RELN: variants seen among roughly 807,000 people sequenced by gnomAD.
RELN encodes reelin.
In RELN, 108 loss-of-function variants were observed where a neutral mutation model predicts 427.6. The ratio of observed to expected loss-of-function variants is 0.25; its 90% CI spans 0.22 to 0.30. The LOEUF (loss-of-function observed/expected upper bound fraction) is 0.30. Among genes scored for constraint, RELN ranks in the 10% least tolerant of loss-of-function variants. The pLI is 1.00. For synonymous variants in RELN, 1,524 were observed against 1,513.4 expected, an observed-to-expected ratio of 1.01 and a Z score of -0.16; for missense variants, 3,715 against 4,302.8, an observed-to-expected ratio of 0.86 and a Z score of 3.82.
Position 103,989,657 on chromosome 7 carries a change from G to A in RELN, c.-301C>T, listed in dbSNP as rs984843061. On this transcript the variant is annotated 5_prime_UTR_variant, in exon 1 of 65. Coordinates refer to ENST00000428762, the MANE Select transcript of RELN (RefSeq NM_005045.4). The surrounding 1 kb of genome is among the most constrained non-coding windows in gnomAD (Gnocchi z 4.9). ...TGCGCGACGCCCCTCGGCCAGGCCTGGGAAAGCGCCCGCCCCGCTCCACAC... is the reference window on the plus strand; with the variant it reads ...TGCGCGACGCCCCTCGGCCAGGCCTAGGAAAGCGCCCGCCCCGCTCCACAC... 21 of 290,692 alleles carry A rather than the reference G, an allele frequency of 7.2e-5. 1 individual carries two copies. The highest frequency in any genetic ancestry group is 1.3e-4 in the Non-Finnish European group (21 of 161,804). The allele number at this position is 290,692 out of a possible 1,614,324, so 18.0% of individuals were successfully genotyped here. A position where few individuals can be genotyped will look rare whatever the true frequency, so the allele number is the denominator to read the frequency against.
At chr7:103,890,192 TC>T (rs1420497067) in intron 2 of RELN, among the ~76,000 whole-genome samples, 1 of 80,666 alleles carries the variant, frequency 1.2e-5, no homozygotes, top group African/African-American at 4.6e-5. Context: ...GCATAGGCAC[TC>T]TGAACTTTTT....
intron 2 of RELN, among the ~76,000 whole-genome samples, chr7:103,834,124 T>C (rs1348872037): frequency 6.6e-6 from 1 of 152,182 alleles, no homozygotes; most frequent in East Asian, 1.9e-4. Context: ...CAGGTTTGCT[T>C]GGAAAACTCC....
intron 60 of RELN, among the ~76,000 whole-genome samples, chr7:103,487,458 T>TTAA (rs1554361592): frequency 7.8e-6 from 1 of 128,104 alleles, no homozygotes; most frequent in South Asian, 2.5e-4. Flanking sequence ...GTTGTTACAG[T>TTAA]AAAAAAAAAA....
At chr7:103,515,572 T>A in intron 49 of RELN, 131 bp from the exon 50 acceptor site, 1 of 1,227,978 alleles carries the variant, frequency 8.1e-7, no homozygotes, top group Middle Eastern at 2.7e-4. Context: ...TAAGCTAAAA[T>A]AATTTTCAAA....
At chr7:103,871,937 G>A (rs768070802) in intron 2 of RELN, among the ~76,000 whole-genome samples, 9 of 150,930 alleles carry the variant, frequency 6.0e-5, no homozygotes, top group East Asian at 3.9e-4. Context: ...TTACTATTAC[G>A]CAAAGTAAAC....
chr7:103,723,138 A>G lies in RELN; in HGVS notation c.805+2T>C, dbSNP rs1790119505. On this transcript the variant is annotated splice_donor_variant, in intron 8 of 64. Coordinates refer to ENST00000428762, the MANE Select transcript of RELN (RefSeq NM_005045.4). LOFTEE classifies it high-confidence loss of function. The stretch of plus-strand genomic sequence containing the variant: ...TCGTTATAACTGCTAAAAAACACTT[A>G]CCAATGGAAAATTGGAGGACAGAAG... 6.3e-7 allele frequency: 1 copy of G among 1,583,910 alleles called. No individual in the cohort carries two copies. The highest frequency in any genetic ancestry group is 8.7e-7 in the Non-Finnish European group (1 of 1,152,882).
chr7:103,736,534 GTAAGA>G (rs1178792609), intron 6 of RELN, among the ~76,000 whole-genome samples: 1 of 152,076 alleles, frequency 6.6e-6, no homozygotes, highest in Non-Finnish European at 1.5e-5. Flanking sequence ...ACTGAGGAAG[GTAAGA>G]TAACTCTTCT....
At position 103,561,876 on chromosome 7, in the gene RELN, A is replaced by G; in HGVS notation, c.5288T>C (p.Val1763Ala). The G allele has an allele frequency of 6.2e-7, 1 of 1,613,396 alleles. No homozygotes were observed. Among genetic ancestry groups the G allele is most frequent in the African/African-American group, 1.3e-5 (1 of 74,850 alleles). The change falls in exon 35 of 65, where the codon GTA (valine) becomes GCA (alanine). Residue 1763 changes from valine to alanine, a missense_variant. Val to Ala is a moderately conservative substitution (Grantham distance 64). Around this residue, in one of 4 missense-constraint regions of RELN, gnomAD observed 2,208 missense variants for 2,361.7 expected, o/e 0.93. Coordinates refer to ENST00000428762, the MANE Select transcript of RELN (RefSeq NM_005045.4). The part of the protein sequence containing the change: ...GADSWAIDNV[V>A]LASGCPWMCS... ...CATCCAAGGGCACCCTGAGGCCAGT[A>G]CAACATTATCAATCGCCCAGGAATC... is the stretch of plus-strand genomic sequence containing the variant.
At chr7:103,912,840 C>G (rs1161311724) in intron 2 of RELN, among the ~76,000 whole-genome samples, 1 of 152,008 alleles carries the variant, frequency 6.6e-6, no homozygotes, top group Non-Finnish European at 1.5e-5. Flanking sequence ...TCAAATAATC[C>G]TTCATTGAGC....
intron 38 of RELN, among the ~76,000 whole-genome samples, chr7:103,554,254 A>G (rs1830477400): frequency 6.6e-6 from 1 of 151,868 alleles, no homozygotes; most frequent in Admixed American, 6.6e-5. Context: ...AAAAACATAA[A>G]GTACTTGTCA....
At chr7:103,936,669 TCCC>T (rs1334754796) in intron 1 of RELN, among the ~76,000 whole-genome samples, 1 of 150,580 alleles carries the variant, frequency 6.6e-6, no homozygotes, top group Non-Finnish European at 1.5e-5. Flanking sequence ...AACTTTTCCC[TCCC>T]CCAAGAAATC....
chr7:103,813,139 T>A (rs759296208), intron 3 of RELN, among the ~76,000 whole-genome samples: 8 of 152,158 alleles, frequency 5.3e-5, no homozygotes, highest in Non-Finnish European at 1.0e-4. Flanking sequence ...TTTGTTTCCC[T>A]GGAAGGTTAC....
Position 103,738,617 on chromosome 7 carries a change from G to T in RELN, c.657-10410C>A, listed in dbSNP as rs78058058. Among the ~76,000 whole-genome samples the T allele has an allele frequency of 3.8e-3, 563 of 147,736 alleles. 4 individuals carry two copies. Among genetic ancestry groups the T allele is most frequent in the Non-Finnish European group, 5.9e-3 (400 of 67,484 alleles). Reference sequence around the variant, plus strand: ...TATCATGTTAACTTTGCCTAATCTGGATTTCATACAACTGGAATGAACTCT... The same window carrying T: ...TATCATGTTAACTTTGCCTAATCTGTATTTCATACAACTGGAATGAACTCT... On this transcript the variant is annotated intron_variant, in intron 6 of 64. Coordinates refer to ENST00000428762, the MANE Select transcript of RELN (RefSeq NM_005045.4).
At chr7:103,592,302 T>G (rs1055694665) in intron 27 of RELN, among the ~76,000 whole-genome samples, 2 of 152,194 alleles carry the variant, frequency 1.3e-5, no homozygotes, top group Admixed American at 6.5e-5. Context: ...GTTTTTCTGT[T>G]CCTTTATTAG....
chr7:103,933,276 G>C (rs1330644663), intron 1 of RELN, among the ~76,000 whole-genome samples: 1 of 152,110 alleles, frequency 6.6e-6, no homozygotes. Flanking sequence ...TTATAATTTT[G>C]CATAATTTGA....
chr7:103,881,220 T>A (rs1234054485), intron 2 of RELN, among the ~76,000 whole-genome samples: 5 of 152,190 alleles, frequency 3.3e-5, no homozygotes, highest in South Asian at 4.1e-4. Flanking sequence ...GCACCACTTC[T>A]CATTGCTAAA....
At chr7:103,888,522 A>C (rs916609320) in intron 2 of RELN, among the ~76,000 whole-genome samples, 1 of 152,156 alleles carries the variant, frequency 6.6e-6, no homozygotes, top group African/African-American at 2.4e-5. Flanking sequence ...GGCACCACCT[A>C]ATCCCATCTG....
At chr7:103,863,821 T>C (rs1370727939) in intron 2 of RELN, among the ~76,000 whole-genome samples, 1 of 149,414 alleles carries the variant, frequency 6.7e-6, no homozygotes, top group Non-Finnish European at 1.5e-5. Flanking sequence ...TGCAATCAAT[T>C]TTTTTTTTTT....
At chr7:103,736,562 G>A (rs553211510) in intron 6 of RELN, among the ~76,000 whole-genome samples, 1 of 152,122 alleles carries the variant, frequency 6.6e-6, no homozygotes, top group African/African-American at 2.4e-5. Flanking sequence ...TTTCTCTAGG[G>A]AGTTAAAAAA....
Sources: gnomAD v4.1 joint callset for allele counts (sites outside exome capture counted in the v4.1 genomes callset) on GRCh38, gnomAD v4.1.1 for gene constraint, gnomAD v4.1.1 regional missense constraint, Gnocchi (gnomAD v3.1) non-coding constraint, MANE v1.5 for transcripts, NCBI Gene and HGNC (gene_info 2026-07-23, HGNC 2026-07-21) for gene names.